Variants in CAPS2 observed in about 807,000 individuals in gnomAD.
CAPS2 encodes calcyphosin-2.
Under a neutral mutation model 86.5 loss-of-function variants are expected in CAPS2, and 98 were observed. That is an observed-to-expected ratio of 1.13 (90% CI 0.96 to 1.34). The LOEUF is 1.34. Ranked by LOEUF, CAPS2 falls within the 40% of genes most tolerant of loss-of-function variation. The pLI is 0.00. For synonymous variants in CAPS2, 210 were observed against 225.1 expected (o/e 0.93, Z 0.60); for missense variants, 729 against 686.8 (o/e 1.06, Z -0.69).
chr12:75,366,720 T>C, intron 1 of CAPS2: 1 of 588,810 alleles, frequency 1.7e-6, no homozygotes, highest in South Asian at 2.0e-5. Context: ...TGTGTGCTGA[T>C]TTTGGGTGAG....
At chr12:75,288,226 G>T (rs10879895) in intron 14 of CAPS2, among the ~76,000 whole-genome samples, 26,361 of 152,100 alleles carry the variant, frequency 0.17, 2,353 homozygotes, top group East Asian at 0.22. Context: ...ATGATCCCTA[G>T]TATGTATCAC....
At position 75,280,254 on chromosome 12, in the gene CAPS2, G is replaced by T. The variant is rs74110642; in HGVS notation, c.1613-1189C>A. ...TAAGAGCTTTACCTTAAAATCAATT[G>T]TAAATTGTGAACAAACTATATCCCA... On this transcript the variant is annotated intron_variant, in intron 16 of 16. Transcript: ENST00000393284. Among the ~76,000 whole-genome samples, 1,268 of 151,872 alleles carry T rather than the reference G, an allele frequency of 8.3e-3. 20 individuals carry two copies. The highest frequency in any genetic ancestry group is 0.029 in the African/African-American group (1,194 of 41,476).
intron 15 of CAPS2, among the ~76,000 whole-genome samples, chr12:75,284,456 T>G (rs187504548): frequency 6.6e-6 from 1 of 152,282 alleles, no homozygotes; most frequent in Non-Finnish European, 1.5e-5. Flanking sequence ...TTAACATGAT[T>G]ATCTTAATTT....
chr12:75,310,101 T>A (rs1486041145), intron 7 of CAPS2, among the ~76,000 whole-genome samples: 10 of 152,166 alleles, frequency 6.6e-5, no homozygotes, highest in Non-Finnish European at 1.3e-4. Flanking sequence ...GCAATGGGAG[T>A]GTAATAGTGA....
At chr12:75,296,028 A>G (rs1042964018) in intron 11 of CAPS2, among the ~76,000 whole-genome samples, 5 of 152,226 alleles carry the variant, frequency 3.3e-5, no homozygotes, top group African/African-American at 1.2e-4. Context: ...TATGAGTGAT[A>G]AAGTGAAATA....
At position 75,289,547 on chromosome 12, in the gene CAPS2, T is replaced by G. The variant is rs182933190; in HGVS notation, c.1395+74A>C. On this transcript the variant is annotated intron_variant, in intron 14 of 16. Transcript: ENST00000393284. ...GGAGAAAATAAATGAAAACTAAAAT[T>G]TCAGTAGAACAGTGAATAATGCCAC... The G allele has an allele frequency of 9.5e-5, 127 of 1,331,758 alleles. 1 individual carries two copies. In the South Asian group the frequency reaches 1.0e-3, roughly 11 times the overall value. 82.5% of individuals were successfully genotyped at this position (1,331,758 alleles called of 1,614,324 possible).
chr12:75,326,072 T>C (rs1438870917), intron 1 of CAPS2, among the ~76,000 whole-genome samples: 2 of 152,160 alleles, frequency 1.3e-5, no homozygotes, highest in East Asian at 3.9e-4. Flanking sequence ...TCAGCACTTA[T>C]ACCCTATTTC....
chr12:75,341,547 C>T lies in CAPS2; in HGVS notation c.-394-18325G>A, dbSNP rs571510707. Among the ~76,000 whole-genome samples, 51 of 150,170 alleles carry T rather than the reference C, an allele frequency of 3.4e-4. No homozygotes were observed. The South Asian group carries it at 0.011, about 31-fold the overall frequency. Reference sequence around the variant, plus strand: ...CTGCAAGCTCCGCCTCCCGGGTTCACGCCATTCTCCTGCCTCAGCCTCCGG... The same window carrying T: ...CTGCAAGCTCCGCCTCCCGGGTTCATGCCATTCTCCTGCCTCAGCCTCCGG... On this transcript the variant is annotated intron_variant, in intron 1 of 5. Transcript: ENST00000551829.
intron 8 of CAPS2, among the ~76,000 whole-genome samples, 180 bp downstream of exon 8, chr12:75,304,576 AG>A (rs2038214735): frequency 6.6e-6 from 1 of 152,246 alleles, no homozygotes; most frequent in South Asian, 2.1e-4. Context: ...GAGTAAAATA[AG>A]GTATTGCCCC....
At chr12:75,387,437 G>C (rs1377821038) in intron 1 of CAPS2, among the ~76,000 whole-genome samples, 1 of 152,160 alleles carries the variant, frequency 6.6e-6, no homozygotes, top group Admixed American at 6.5e-5. Context: ...AGGAACATGA[G>C]CTCTCATTCA....
intron 1 of CAPS2, among the ~76,000 whole-genome samples, chr12:75,372,892 G>A (rs1239856785): frequency 1.3e-5 from 2 of 152,184 alleles, no homozygotes; most frequent in African/African-American, 2.4e-5. Flanking sequence ...CAATTATGGT[G>A]GATAAGACAT....
chr12:75,343,855 G>C, intron 1 of CAPS2: 1 of 1,611,648 alleles, frequency 6.2e-7, no homozygotes, highest in Middle Eastern at 1.7e-4. Flanking sequence ...ACCAAGACAT[G>C]CCATTACGGC....
At chr12:75,331,104 T>G (rs2041266796), upstream of CAPS2, among the ~76,000 whole-genome samples, 1 of 152,064 alleles carries the variant, frequency 6.6e-6, no homozygotes, top group African/African-American at 2.4e-5. Context: ...TTATGTATGC[T>G]CTGTACACAA....
upstream of CAPS2, among the ~76,000 whole-genome samples, chr12:75,333,045 G>A (rs1360917840): frequency 6.6e-6 from 1 of 152,142 alleles, no homozygotes; most frequent in Non-Finnish European, 1.5e-5. Flanking sequence ...AGGAGAGAAT[G>A]CCAGAGAACT....
rs1593400241 is a variant in CAPS2 at position 75,305,740 on chromosome 12, G to A, written c.660-864C>T. The A allele has an allele frequency of 4.3e-6, 3 of 701,454 alleles. No individual in the cohort carries two copies. In the African/African-American group the frequency reaches 5.3e-5, roughly 12 times the overall value. The allele number at this position is 701,454 out of a possible 1,614,324, so 43.5% of individuals were successfully genotyped here. ...AGCTCGTGTGGTACATGCGGGTCAA[G>A]GACCAGAAGAAGATGATCATCTGGT... On this transcript the variant is annotated intron_variant, in intron 7 of 16. Coordinates refer to ENST00000393284, the Ensembl canonical transcript of CAPS2.
chr12:75,390,062 A>G (rs2045498418), intron 1 of CAPS2, among the ~76,000 whole-genome samples: 2 of 152,230 alleles, frequency 1.3e-5, no homozygotes, highest in Admixed American at 1.3e-4. Flanking sequence ...AATGTTTTGT[A>G]GTAAAATTCT....
intron 1 of CAPS2, among the ~76,000 whole-genome samples, chr12:75,366,574 C>G (rs564700836): frequency 1.3e-5 from 2 of 152,172 alleles, no homozygotes; most frequent in African/African-American, 4.8e-5. Context: ...CAAAGAGAGG[C>G]ACCCTAAAAC....
intron 1 of CAPS2, among the ~76,000 whole-genome samples, chr12:75,358,033 AAC>A (rs2043269075): frequency 6.6e-6 from 1 of 151,640 alleles, no homozygotes; most frequent in African/African-American, 2.4e-5. Flanking sequence ...CAAACAGAAA[AAC>A]AGTTAAAAAC....
intron 5 of CAPS2, 143 bp from the exon 6 acceptor site, chr12:75,316,577 C>T: frequency 1.3e-6 from 1 of 793,246 alleles, no homozygotes. Flanking sequence ...AATCAGATTG[C>T]TTATATTTGA....
Sources: allele counts gnomAD v4.1 joint callset (sites outside exome capture counted in the v4.1 genomes callset), GRCh38; gene constraint gnomAD v4.1.1; transcripts MANE v1.5; gene names NCBI Gene and HGNC (gene_info 2026-07-23, HGNC 2026-07-21).